LHFPL4: variants seen among roughly 807,000 people sequenced by gnomAD.
LHFPL4 encodes LHFPL tetraspan subfamily member 4.
LHFPL4 carries 6 observed loss-of-function variants against 20.0 expected under a neutral mutation model. That is an observed-to-expected ratio of 0.30 (90% CI 0.16 to 0.59). The LOEUF (loss-of-function observed/expected upper bound fraction) is 0.59, where lower values mean the gene tolerates loss of function less well. Ranked by LOEUF, LHFPL4 falls within the 20% of genes least tolerant of loss-of-function variation. LHFPL4 has a pLI of 0.88. For synonymous variants in LHFPL4, 129 were observed against 143.8 expected, an observed-to-expected ratio of 0.90 and a Z score of 0.74; for missense variants, 215 against 331.2, an observed-to-expected ratio of 0.65 and a Z score of 2.72.
intron 2 of LHFPL4, 131 bp downstream of exon 2, chr3:9,552,143 G>C: frequency 2.6e-6 from 3 of 1,145,650 alleles, no homozygotes; most frequent in Non-Finnish European, 3.5e-6. Flanking sequence ...CTGAGGGTCC[G>C]TCAGCCAAAG....
chr3:9,518,272 G>A (rs932513513), intron 2 of LHFPL4, among the ~76,000 whole-genome samples: 1 of 152,076 alleles, frequency 6.6e-6, no homozygotes, highest in Non-Finnish European at 1.5e-5. Flanking sequence ...TGGTCATGGT[G>A]TACCATTCTT....
At chr3:9,524,878 G>A (rs1276624733) in intron 2 of LHFPL4, among the ~76,000 whole-genome samples, 3 of 152,198 alleles carry the variant, frequency 2.0e-5, no homozygotes, top group African/African-American at 7.2e-5. Flanking sequence ...TTTTAGTGAT[G>A]TGGTGGTAAG....
chr3:9,509,730 T>C (rs1286833063), intron 2 of LHFPL4, among the ~76,000 whole-genome samples: 1 of 152,032 alleles, frequency 6.6e-6, no homozygotes, highest in Non-Finnish European at 1.5e-5. Flanking sequence ...ATGGGAAATA[T>C]CAGAAGTCAA....
rs112762699 is a variant in LHFPL4 at position 9,542,660 on chromosome 3, T to G, written c.406+9614A>C. 1.6e-3 allele frequency among the ~76,000 whole-genome samples: 244 copies of G among 151,982 alleles called. 3 individuals are homozygous for G. Among genetic ancestry groups the G allele is most frequent in the African/African-American group, 5.6e-3 (234 of 41,450 alleles). ...CGTTTCTACCAAAGTTTTAAAAAAA[T>G]TAGCCGGGCATGGTGACACGTGCCA... is the stretch of plus-strand genomic sequence containing the variant. On this transcript the variant is annotated intron_variant, in intron 2 of 3. Transcript: ENST00000287585.
chr3:9,518,926 T>C (rs143753997), intron 2 of LHFPL4, among the ~76,000 whole-genome samples: 5 of 70,000 alleles, frequency 7.1e-5, no homozygotes, highest in East Asian at 6.9e-4. Flanking sequence ...CTAATTTTTG[T>C]TTATTTATTT....
intron 3 of LHFPL4, among the ~76,000 whole-genome samples, chr3:9,504,286 G>A (rs772232094): frequency 2.6e-5 from 4 of 151,162 alleles, no homozygotes; most frequent in Non-Finnish European, 5.9e-5. Flanking sequence ...GCTGAGGCAC[G>A]AGGATTACTT....
At chr3:9,514,658 A>G (rs955766185) in intron 2 of LHFPL4, among the ~76,000 whole-genome samples, 5 of 152,204 alleles carry the variant, frequency 3.3e-5, no homozygotes, top group South Asian at 2.1e-4. Flanking sequence ...TGCTCTGCCT[A>G]TTCATCCCTT....
chr3:9,533,484 T>C (rs970318031), intron 2 of LHFPL4, among the ~76,000 whole-genome samples: 6 of 152,164 alleles, frequency 3.9e-5, no homozygotes, highest in Non-Finnish European at 7.3e-5. Context: ...AAAATCAGTC[T>C]ATAGGATTAA....
intron 2 of LHFPL4, among the ~76,000 whole-genome samples, chr3:9,540,007 G>A (rs2046467697): frequency 6.6e-6 from 1 of 152,128 alleles, no homozygotes; most frequent in Non-Finnish European, 1.5e-5. Flanking sequence ...TGGTGGGAGT[G>A]TAACTTTGTA....
intron 2 of LHFPL4, among the ~76,000 whole-genome samples, chr3:9,540,778 G>C (rs1250933294): frequency 6.6e-6 from 1 of 151,662 alleles, no homozygotes; most frequent in Non-Finnish European, 1.5e-5. Context: ...GTGTATGCCT[G>C]TGGTCCCAGC....
At chr3:9,517,710 A>G (rs1049384103) in intron 2 of LHFPL4, among the ~76,000 whole-genome samples, 6 of 146,094 alleles carry the variant, frequency 4.1e-5, no homozygotes, top group Non-Finnish European at 6.0e-5. Flanking sequence ...AAAAAAATCC[A>G]CTTGTTCATT....
chr3:9,517,147 A>C (rs1041712530), intron 2 of LHFPL4, among the ~76,000 whole-genome samples: 2 of 152,108 alleles, frequency 1.3e-5, no homozygotes, highest in African/African-American at 4.8e-5. Flanking sequence ...GGTAGTATCA[A>C]TCCTCTGATT....
At chr3:9,530,715 C>T (rs1379608228) in intron 2 of LHFPL4, among the ~76,000 whole-genome samples, 1 of 145,366 alleles carries the variant, frequency 6.9e-6, no homozygotes, top group East Asian at 1.9e-4. Context: ...TTTTGACACA[C>T]CTTCCTCACT....
chr3:9,515,594 G>A (rs1428737991), intron 2 of LHFPL4, among the ~76,000 whole-genome samples: 3 of 151,238 alleles, frequency 2.0e-5, no homozygotes, highest in East Asian at 3.9e-4. Flanking sequence ...GGCTGGTCTC[G>A]AACTTGACCA....
intron 2 of LHFPL4, among the ~76,000 whole-genome samples, chr3:9,510,721 T>A (rs2046252462): frequency 6.6e-6 from 1 of 152,102 alleles, no homozygotes; most frequent in Non-Finnish European, 1.5e-5. Flanking sequence ...GTGGATCACC[T>A]GAGGTCAGGA....
At chr3:9,508,688 C>T (rs1182050413) in intron 2 of LHFPL4, among the ~76,000 whole-genome samples, 1 of 152,176 alleles carries the variant, frequency 6.6e-6, no homozygotes, top group Admixed American at 6.5e-5. Context: ...TGGCCGTCAT[C>T]TCTCCACATA....
chr3:9,539,432 G>A (rs2046463738), intron 2 of LHFPL4, among the ~76,000 whole-genome samples: 1 of 137,334 alleles, frequency 7.3e-6, no homozygotes, highest in African/African-American at 2.8e-5. Context: ...CCCAGCCTGG[G>A]CAATAGAGTG....
intron 2 of LHFPL4, among the ~76,000 whole-genome samples, chr3:9,513,670 T>C (rs1010809443): frequency 1.3e-5 from 2 of 152,218 alleles, no homozygotes; most frequent in African/African-American, 4.8e-5. Flanking sequence ...GTTTTTCATT[T>C]CACATGCAGT....
intron 2 of LHFPL4, among the ~76,000 whole-genome samples, chr3:9,515,754 T>A (rs747401296): frequency 6.6e-6 from 1 of 151,136 alleles, no homozygotes; most frequent in Non-Finnish European, 1.5e-5. Context: ...GGAGTCTCCC[T>A]CTGTCACCCA....
Sources: gnomAD v4.1 joint callset for allele counts (sites outside exome capture counted in the v4.1 genomes callset) on GRCh38, gnomAD v4.1.1 for gene constraint, MANE v1.5 for transcripts, NCBI Gene and HGNC (gene_info 2026-07-23, HGNC 2026-07-21) for gene names.